Variants in EIF2AK3 observed in about 807,000 individuals in gnomAD.
The protein encoded by EIF2AK3 is eukaryotic translation initiation factor 2-alpha kinase 3.
In EIF2AK3, 50 loss-of-function variants were observed where a neutral mutation model predicts 113.5. That is an observed-to-expected ratio of 0.44 (90% confidence interval 0.35 to 0.56). The LOEUF is 0.56. EIF2AK3 is among the 20% of genes least tolerant of loss of function. The pLI is 0.00. For synonymous variants in EIF2AK3, 448 were observed against 495.4 expected, an observed-to-expected ratio of 0.90 and a Z score of 1.27; for missense variants, 1,185 against 1,378.0, an observed-to-expected ratio of 0.86 and a Z score of 2.22.
At chr2:88,587,676 CTT>C (rs1206422203) in intron 8 of EIF2AK3, among the ~76,000 whole-genome samples, 1 of 152,166 alleles carries the variant, frequency 6.6e-6, no homozygotes, top group Non-Finnish European at 1.5e-5. Flanking sequence ...TTAACTGAGA[CTT>C]TGCCTGCGTT....
At chr2:88,569,216 A>G (rs986714389) in intron 14 of EIF2AK3, among the ~76,000 whole-genome samples, 5 of 152,016 alleles carry the variant, frequency 3.3e-5, no homozygotes, top group South Asian at 2.1e-4. Context: ...AAAGATGAAC[A>G]ATGAGACCGG....
intron 1 of EIF2AK3, among the ~76,000 whole-genome samples, chr2:88,614,581 G>A (rs745695726): frequency 7.9e-5 from 12 of 152,002 alleles, no homozygotes; most frequent in Non-Finnish European, 1.2e-4. Flanking sequence ...ACAAATCACC[G>A]CAACCCCCTA....
intron 2 of EIF2AK3, among the ~76,000 whole-genome samples, chr2:88,603,480 G>A (rs1675200572): frequency 6.6e-6 from 1 of 152,166 alleles, no homozygotes; most frequent in African/African-American, 2.4e-5. Context: ...AAATCAAGGA[G>A]TTGTTTGAAG....
intron 15 of EIF2AK3, among the ~76,000 whole-genome samples, chr2:88,561,688 C>T (rs1054520994): frequency 6.6e-6 from 1 of 151,998 alleles, no homozygotes; most frequent in Non-Finnish European, 1.5e-5. Context: ...GAGCCCATTT[C>T]TACAAAATGA....
chr2:88,574,975 TTTA>T lies in EIF2AK3; in HGVS notation c.2505_2507del (p.Asn835del), dbSNP rs2104411082. The T allele has an allele frequency of 6.2e-7, 1 of 1,614,192 alleles. No individual in the cohort carries two copies. The highest frequency in any genetic ancestry group is 2.2e-5 in the East Asian group (1 of 44,876). On this transcript the variant is annotated inframe_deletion, in exon 13 of 17. Transcript: ENST00000303236. ...TACTGGTGGGCTTGAAAGCAGTTAG[TTTA>T]TTAGCACAATGGTTGCCAATATGCA...
intron 2 of EIF2AK3, among the ~76,000 whole-genome samples, chr2:88,607,333 C>T (rs911790870): frequency 8.5e-5 from 13 of 152,184 alleles, no homozygotes; most frequent in African/African-American, 1.7e-4. Flanking sequence ...TCAGATTTCA[C>T]ATCTGAAAAT....
intron 14 of EIF2AK3, among the ~76,000 whole-genome samples, chr2:88,565,937 G>C (rs1259413517): frequency 6.6e-6 from 1 of 152,106 alleles, no homozygotes; most frequent in Non-Finnish European, 1.5e-5. Flanking sequence ...AGCCAGTTTG[G>C]ATACTTTTGG....
At chr2:88,583,325 CTA>C (rs1188952589) in intron 10 of EIF2AK3, 103 bp downstream of exon 10, 3 of 812,812 alleles carry the variant, frequency 3.7e-6, no homozygotes, top group Non-Finnish European at 6.2e-6. Flanking sequence ...AGGGTTAAGC[CTA>C]TGTTTTATTT....
chr2:88,575,552 C>A (rs181409281), intron 12 of EIF2AK3, 106 bp from the exon 13 acceptor site: 32 of 1,175,852 alleles, frequency 2.7e-5, no homozygotes, highest in Non-Finnish European at 3.6e-5. Context: ...AGGCCACTTA[C>A]CAAATGACAA....
intron 10 of EIF2AK3, among the ~76,000 whole-genome samples, chr2:88,583,117 C>G (rs532742143): frequency 5.9e-5 from 9 of 152,228 alleles, no homozygotes; most frequent in Admixed American, 1.3e-4. Context: ...TCATATCACA[C>G]TCTTATAAAC....
chr2:88,587,929 TATTA>T, intron 8 of EIF2AK3, 49 bp downstream of exon 8: 2 of 1,231,622 alleles, frequency 1.6e-6, no homozygotes, highest in Non-Finnish European at 2.3e-6. Flanking sequence ...ATTTGAATTC[TATTA>T]ATTTCAAATT....
chr2:88,618,968 G>A (rs1172088397), intron 1 of EIF2AK3, among the ~76,000 whole-genome samples: 1 of 151,420 alleles, frequency 6.6e-6, no homozygotes, highest in African/African-American at 2.4e-5. Context: ...GTTTCTACAG[G>A]ACCAGTCCCT....
Position 88,621,613 on chromosome 2 carries a change from A to G in EIF2AK3, c.308+5354T>C, listed in dbSNP as rs180772460. On this transcript the variant is annotated intron_variant, in intron 1 of 16. Coordinates refer to ENST00000303236, the MANE Select transcript of EIF2AK3 (RefSeq NM_004836.7). ...GAGGCATATGTTCTTGTTTAGAAAC[A>G]AAGTAGTACTGATTAGACTATACTT... Among the ~76,000 whole-genome samples the G allele has an allele frequency of 2.0e-4, 30 of 152,344 alleles. 1 individual carries two copies. In the East Asian group the frequency reaches 4.6e-3, roughly 24 times the overall value.
intron 10 of EIF2AK3, among the ~76,000 whole-genome samples, chr2:88,580,509 T>C (rs182231214): frequency 1.9e-4 from 29 of 152,334 alleles, no homozygotes; most frequent in Middle Eastern, 3.4e-3. Context: ...TTTGCAATTA[T>C]GTGTAAGCAG....
At chr2:88,612,688 A>T (rs1023652372) in intron 2 of EIF2AK3, among the ~76,000 whole-genome samples, 2 of 152,218 alleles carry the variant, frequency 1.3e-5, no homozygotes, top group African/African-American at 4.8e-5. Flanking sequence ...AAAGTCTGTT[A>T]TTATAGATGC....
intron 8 of EIF2AK3, among the ~76,000 whole-genome samples, chr2:88,587,480 C>T (rs1211494497): frequency 2.6e-5 from 4 of 152,120 alleles, no homozygotes; most frequent in African/African-American, 9.7e-5. Context: ...CTATTCTTGA[C>T]TTTTGCACTA....
At chr2:88,587,030 C>A (rs1674752322) in intron 8 of EIF2AK3, among the ~76,000 whole-genome samples, 1 of 150,560 alleles carries the variant, frequency 6.6e-6, no homozygotes, top group Non-Finnish European at 1.5e-5. Flanking sequence ...TATGGTGAAA[C>A]CCCGTCTCTA....
At chr2:88,565,244 C>T (rs200280683) in intron 14 of EIF2AK3, among the ~76,000 whole-genome samples, 20 of 151,828 alleles carry the variant, frequency 1.3e-4, no homozygotes, top group Non-Finnish European at 2.4e-4. Context: ...CCATGATGGC[C>T]AGGCTGGTCT....
At chr2:88,584,242 C>T (rs1177594479) in intron 9 of EIF2AK3, among the ~76,000 whole-genome samples, 3 of 151,918 alleles carry the variant, frequency 2.0e-5, no homozygotes, top group Non-Finnish European at 4.4e-5. Flanking sequence ...CTAGGCCAGG[C>T]GTGGTGGCTC....
Sources: gnomAD v4.1 joint callset for allele counts (sites outside exome capture counted in the v4.1 genomes callset) on GRCh38, gnomAD v4.1.1 for gene constraint, MANE v1.5 for transcripts, NCBI Gene and HGNC (gene_info 2026-07-23, HGNC 2026-07-21) for gene names.